MGAT5: variants seen among roughly 807,000 people sequenced by gnomAD.
The protein encoded by MGAT5 is alpha-1,6-mannosylglycoprotein 6-beta-N-acetylglucosaminyltransferase A.
A neutral mutation model predicts 94.3 loss-of-function variants in MGAT5; 30 were observed. The ratio of observed to expected loss-of-function variants is 0.32; its 90% CI spans 0.24 to 0.43. MGAT5 has a LOEUF of 0.43. Ranked by LOEUF, MGAT5 falls within the 20% of genes least tolerant of loss-of-function variation. MGAT5 has a pLI of 1.00. For synonymous variants in MGAT5, 310 were observed against 322.9 expected (o/e 0.96, Z 0.43); for missense variants, 691 against 905.5 (o/e 0.76, Z 3.04).
intron 1 of MGAT5, among the ~76,000 whole-genome samples, chr2:134,248,692 ATGTGTG>A (rs1394303164): frequency 2.5e-3 from 18 of 7,346 alleles, no homozygotes; most frequent in African/African-American, 0.022. Context: ...TCCTATGTGA[ATGTGTG>A]AATGTGGCGC....
intron 7 of MGAT5, among the ~76,000 whole-genome samples, chr2:134,343,301 AT>A (rs925437058): frequency 9.9e-5 from 15 of 152,114 alleles, no homozygotes; most frequent in Non-Finnish European, 2.1e-4. Flanking sequence ...AATGAAACCA[AT>A]TTTTTTCATC....
At chr2:134,173,867 G>A (rs1271337681) in intron 1 of MGAT5, among the ~76,000 whole-genome samples, 6 of 152,202 alleles carry the variant, frequency 3.9e-5, no homozygotes, top group African/African-American at 1.4e-4. Context: ...TATAAAGCAC[G>A]TGGCCTCTAC....
chr2:134,295,597 T>G (rs1311052043), intron 2 of MGAT5, among the ~76,000 whole-genome samples: 1 of 152,182 alleles, frequency 6.6e-6, no homozygotes, highest in Non-Finnish European at 1.5e-5. Context: ...CCAGATTCTC[T>G]TCGAGGATGA....
At chr2:134,402,574 ACTGCCTTCCCCGGG>A (rs1683114703) in intron 10 of MGAT5, among the ~76,000 whole-genome samples, 1 of 152,164 alleles carries the variant, frequency 6.6e-6, no homozygotes, top group East Asian at 1.9e-4. Flanking sequence ...AGTCCAACTG[ACTGCCTTCCCCGGG>A]CTGTCCTTCC....
chr2:134,410,857 C>T (rs570092018), intron 11 of MGAT5, among the ~76,000 whole-genome samples: 29 of 152,302 alleles, frequency 1.9e-4, no homozygotes, highest in African/African-American at 6.7e-4. Context: ...CTGCAGAAAT[C>T]CTGATCTGCG....
At chr2:134,386,116 A>G (rs1488388664) in intron 10 of MGAT5, among the ~76,000 whole-genome samples, 2 of 152,316 alleles carry the variant, frequency 1.3e-5, no homozygotes, top group East Asian at 1.9e-4. Flanking sequence ...TGCAGAGTAA[A>G]ATAATGTGTT....
At chr2:134,152,532 T>C (rs1388136077) in intron 1 of MGAT5, among the ~76,000 whole-genome samples, 1 of 152,266 alleles carries the variant, frequency 6.6e-6, no homozygotes, top group Non-Finnish European at 1.5e-5. Flanking sequence ...CTCACAGCTC[T>C]TCTTTCTGTT....
intron 2 of MGAT5, among the ~76,000 whole-genome samples, chr2:134,309,344 A>T (rs928137159): frequency 6.6e-6 from 1 of 152,200 alleles, no homozygotes; most frequent in Non-Finnish European, 1.5e-5. Flanking sequence ...CAAGGAGTAG[A>T]ATTGTTGACT....
At chr2:134,143,430 G>T (rs921908278) in intron 1 of MGAT5, among the ~76,000 whole-genome samples, 2 of 152,216 alleles carry the variant, frequency 1.3e-5, no homozygotes, top group Admixed American at 6.5e-5. Context: ...GCCCCTGCTT[G>T]CTGCCTATTT....
chr2:134,357,343 C>A (rs1018007872), intron 9 of MGAT5, among the ~76,000 whole-genome samples: 5 of 152,194 alleles, frequency 3.3e-5, no homozygotes, highest in African/African-American at 7.2e-5. Context: ...CATTGATATT[C>A]CAACCCTGAA....
Position 134,189,592 on chromosome 2 carries a change from G to GTTT in MGAT5, c.-142-64663_-142-64661dup, listed in dbSNP as rs113582076. On this transcript the variant is annotated intron_variant, in intron 1 of 16. Coordinates refer to the MGAT5 transcript ENST00000409645. ...ACATATGACTAACCTCATGGCTCTA[G>GTTT]TTTTTTTTTGTTTTTTTTTTTTTTT... Among the ~76,000 whole-genome samples, 53 of 56,272 alleles carry GTTT rather than the reference G, an allele frequency of 9.4e-4. 3 individuals carry two copies. The highest frequency in any genetic ancestry group is 3.9e-3 in the South Asian group (6 of 1,556). 36.9% of individuals were successfully genotyped at this position (56,272 alleles called of 152,430 possible). A position where few individuals can be genotyped will look rare whatever the true frequency, so the allele number is the denominator to read the frequency against.
intron 1 of MGAT5, among the ~76,000 whole-genome samples, chr2:134,159,243 A>G (rs1163719633): frequency 4.1e-5 from 6 of 146,498 alleles, no homozygotes; most frequent in Non-Finnish European, 6.0e-5. Context: ...TATTCCCAAC[A>G]TAGTGTCCTG....
chr2:134,284,622 G>A (rs150042731), intron 2 of MGAT5, among the ~76,000 whole-genome samples: 255 of 151,192 alleles, frequency 1.7e-3, no homozygotes, highest in African/African-American at 5.4e-3. Flanking sequence ...AGAGATCGCT[G>A]TGTCCCAGAC....
At chr2:134,438,099 C>T (rs1459018691) in intron 14 of MGAT5, among the ~76,000 whole-genome samples, 1 of 151,852 alleles carries the variant, frequency 6.6e-6, no homozygotes, top group East Asian at 1.9e-4. Context: ...TGCTGAGCAC[C>T]AACATGACAC....
intron 10 of MGAT5, among the ~76,000 whole-genome samples, chr2:134,378,416 G>A (rs4332973): frequency 1 from 151,668 of 152,264 alleles, 75,539 homozygotes; most frequent in East Asian, 1. Context: ...GGCACTCAGG[G>A]GTAGAAGTGT....
At chr2:134,197,008 A>G (rs1237018108) in intron 1 of MGAT5, among the ~76,000 whole-genome samples, 1 of 152,210 alleles carries the variant, frequency 6.6e-6, no homozygotes, top group African/African-American at 2.4e-5. Flanking sequence ...TCTTAAGGAC[A>G]ACCTTAACAC....
intron 2 of MGAT5, among the ~76,000 whole-genome samples, chr2:134,313,264 A>T (rs1018603251): frequency 6.6e-6 from 1 of 151,970 alleles, no homozygotes; most frequent in Admixed American, 6.6e-5. Context: ...TATTTGTGAC[A>T]TCTCGTGCTG....
intron 10 of MGAT5, among the ~76,000 whole-genome samples, chr2:134,387,852 T>C (rs1362970927): frequency 2.0e-5 from 3 of 152,176 alleles, no homozygotes; most frequent in Non-Finnish European, 4.4e-5. Flanking sequence ...AGTCCAGTGA[T>C]GGGAATTTGC....
At chr2:134,173,466 T>G (rs539134504) in intron 1 of MGAT5, among the ~76,000 whole-genome samples, 1 of 152,222 alleles carries the variant, frequency 6.6e-6, no homozygotes, top group Admixed American at 6.5e-5. Context: ...GCATGTACTG[T>G]GCTGCGATTC....
Sources: allele counts gnomAD v4.1 joint callset (sites outside exome capture counted in the v4.1 genomes callset), GRCh38; gene constraint gnomAD v4.1.1; transcripts MANE v1.5; gene names NCBI Gene and HGNC (gene_info 2026-07-23, HGNC 2026-07-21).